The following CIROZ variants were observed in gnomAD, a reference collection of about 807,000 sequenced individuals.
The protein encoded by CIROZ is ciliated left-right organizer protein containing ZP-N domains, also known as ciliated left-right organizer ZP-N domains-containing protein.
the CIROZ span, chr1:10,970,182 GA>G: frequency 1.6e-6 from 2 of 1,216,048 alleles, no homozygotes; most frequent in Non-Finnish European, 2.2e-6. Flanking sequence ...GGAAGGAAAA[GA>G]AGGAGCTCCT....
the CIROZ span, chr1:10,957,825 A>T: frequency 6.6e-7 from 1 of 1,518,210 alleles, no homozygotes; most frequent in Non-Finnish European, 8.9e-7. Flanking sequence ...CGGAGAGGGG[A>T]CACTTGAAGG....
the CIROZ span, chr1:10,966,410 T>C: frequency 6.5e-7 from 1 of 1,536,662 alleles, no homozygotes; most frequent in Non-Finnish European, 8.7e-7. Flanking sequence ...GAAGTCACCG[T>C]CTGAAGCCAG....
chr1:10,971,970 T>G, the CIROZ span, among the ~76,000 whole-genome samples: 3 of 152,176 alleles, frequency 2.0e-5, no homozygotes, highest in African/African-American at 7.2e-5. Flanking sequence ...ACACATAAAC[T>G]ACAAGCTCCA....
chr1:10,962,740 A>G, the CIROZ span, among the ~76,000 whole-genome samples: 1 of 152,242 alleles, frequency 6.6e-6, no homozygotes, highest in African/African-American at 2.4e-5. Context: ...ATATAGAACC[A>G]ACTACATAGA....
the CIROZ span, chr1:10,956,902 G>A: frequency 1.2e-6 from 1 of 841,632 alleles, no homozygotes; most frequent in South Asian, 1.8e-5. Context: ...CCAAGGTTGG[G>A]ACTGAGGAGA....
chr1:10,962,298 T>C, the CIROZ span, among the ~76,000 whole-genome samples: 1 of 151,916 alleles, frequency 6.6e-6, no homozygotes, highest in Non-Finnish European at 1.5e-5. Flanking sequence ...ATATAAAAAA[T>C]TAGCCGAGTA....
At chr1:10,979,972 GGGAGGT>G in the CIROZ span, among the ~76,000 whole-genome samples, 2 of 151,120 alleles carry the variant, frequency 1.3e-5, no homozygotes, top group African/African-American at 4.9e-5. Context: ...GCTTGAACCT[GGGAGGT>G]GGAGGTTGTG....
chr1:10,948,192 G>C, the CIROZ span: 1 of 1,613,834 alleles, frequency 6.2e-7, no homozygotes. Context: ...GTCCTGGCTT[G>C]GTTCTGAGGA....
chr1:10,949,094 TG>T, the CIROZ span: 1 of 346,862 alleles, frequency 2.9e-6, no homozygotes, highest in Non-Finnish European at 5.2e-6. Context: ...TGTGGTGGCG[TG>T]GGCCTGTAAT....
chr1:10,952,041 CCAA>C, the CIROZ span, among the ~76,000 whole-genome samples: 1 of 151,984 alleles, frequency 6.6e-6, no homozygotes, highest in Non-Finnish European at 1.5e-5. Context: ...AAAATTCAAG[CCAA>C]CAAGCATTTA....
chr1:10,955,249 AGTG>A, the CIROZ span: 3 of 1,479,864 alleles, frequency 2.0e-6, no homozygotes, highest in Admixed American at 3.7e-5. Context: ...GGACAAATTA[AGTG>A]GTGGTGGGCC....
At chr1:10,973,964 C>G in the CIROZ span, among the ~76,000 whole-genome samples, 5 of 151,826 alleles carry the variant, frequency 3.3e-5, no homozygotes, top group East Asian at 5.8e-4. Flanking sequence ...GGACCCCCCC[C>G]ACCAAGTCTC....
the CIROZ span, among the ~76,000 whole-genome samples, chr1:10,950,220 G>T: frequency 6.6e-6 from 1 of 151,878 alleles, no homozygotes; most frequent in Admixed American, 6.6e-5. Flanking sequence ...ATTTTTAGTA[G>T]AGATGGGTTT....
At chr1:10,948,101 A>G in the CIROZ span, 10 of 1,613,436 alleles carry the variant, frequency 6.2e-6, no homozygotes, top group Non-Finnish European at 8.5e-6. Context: ...TCAGCCAGGC[A>G]CTGGGGTCTG....
chr1:10,948,916 A>G, the CIROZ span: 2 of 1,390,502 alleles, frequency 1.4e-6, no homozygotes, highest in Non-Finnish European at 1.9e-6. Flanking sequence ...CTGCCCTGAG[A>G]ATCTCAACCC....
the CIROZ span, among the ~76,000 whole-genome samples, chr1:10,980,166 G>A: frequency 0.36 from 55,122 of 152,276 alleles, 12,940 homozygotes; most frequent in African/African-American, 0.67. Flanking sequence ...GGTGGGCAGA[G>A]GGCCAGGGCC....
At chr1:10,981,982 T>A in the CIROZ span, 33 of 1,537,018 alleles carry the variant, frequency 2.1e-5, no homozygotes, top group African/African-American at 1.5e-4. Context: ...GCCACTGGCT[T>A]CTCCCAATTC....
chr1:10,953,492 C>G, the CIROZ span, among the ~76,000 whole-genome samples: 1 of 152,210 alleles, frequency 6.6e-6, no homozygotes, highest in Non-Finnish European at 1.5e-5. Flanking sequence ...AGCTGAGAAA[C>G]AAGTTGCATC....
chr1:10,970,118 A>C, the CIROZ span: 3 of 895,050 alleles, frequency 3.4e-6, no homozygotes, highest in African/African-American at 3.5e-5. Context: ...GGAGGGAGGG[A>C]GGTGGGGAAG....
Sources: gnomAD v4.1 joint callset for allele counts (sites outside exome capture counted in the v4.1 genomes callset) on GRCh38, gnomAD v4.1.1 for gene constraint, MANE v1.5 for transcripts, NCBI Gene and HGNC (gene_info 2026-07-23, HGNC 2026-07-21) for gene names.